Variants in CAMKK1 observed in about 807,000 individuals in gnomAD.
The protein encoded by CAMKK1 is calcium/calmodulin dependent protein kinase kinase 1.
Under a neutral mutation model 63.5 loss-of-function variants are expected in CAMKK1, and 20 were observed. That is an observed-to-expected ratio of 0.32 (90% CI 0.22 to 0.46). The LOEUF is 0.46. Ranked by LOEUF, CAMKK1 falls within the 20% of genes least tolerant of loss-of-function variation. The pLI, the probability that CAMKK1 is intolerant of heterozygous loss-of-function variation, is 1.00. For synonymous variants in CAMKK1, 253 were observed against 269.0 expected, an observed-to-expected ratio of 0.94 and a Z score of 0.58; for missense variants, 588 against 658.1, an observed-to-expected ratio of 0.89 and a Z score of 1.17.
At chr17:3,869,431 G>A (rs1484611892) in intron 14 of CAMKK1, 56 bp downstream of exon 14, 2 of 1,608,076 alleles carry the variant, frequency 1.2e-6, no homozygotes, top group African/African-American at 1.3e-5. Context: ...CACAGAGCAA[G>A]GCTCAGGTCC....
chr17:3,866,258 G>A (rs2054519188), intron 14 of CAMKK1, among the ~76,000 whole-genome samples: 3 of 152,204 alleles, frequency 2.0e-5, no homozygotes, highest in Admixed American at 6.5e-5. Flanking sequence ...TGAAGGGTCC[G>A]CAAGGCCAGG....
chr17:3,866,591 C>T (rs772826103), intron 14 of CAMKK1, among the ~76,000 whole-genome samples: 1 of 152,272 alleles, frequency 6.6e-6, no homozygotes, highest in Non-Finnish European at 1.5e-5. Context: ...GCACACTTGC[C>T]AGTCCCTTCA....
At position 3,890,768 on chromosome 17, in the gene CAMKK1, C is replaced by T. The variant is rs2055871292; in HGVS notation, c.-44+2171G>A. ...TGCCAGGCCTCAGTACAAGCTGTGC[C>T]TTCTGCCAGGAACACACCTCCCTCT... On this transcript the variant is annotated intron_variant, in intron 1 of 15. Transcript: ENST00000348335. This position sits in a 1 kb window ranked among gnomAD's most constrained non-coding sequence, Gnocchi z 6.5. The T allele has an allele frequency of 1.3e-6, 1 of 779,718 alleles. No individual in the cohort carries two copies. Among genetic ancestry groups the T allele is most frequent in the Admixed American group, 1.7e-5 (1 of 59,020 alleles). 48.3% of individuals were successfully genotyped at this position (779,718 alleles called of 1,614,324 possible).
At position 3,874,990 on chromosome 17, in the gene CAMKK1, T is replaced by TG. The variant is rs1206272718; in HGVS notation, c.996+1232dup. On this transcript the variant is annotated intron_variant, in intron 10 of 15. Coordinates refer to ENST00000348335, the MANE Select transcript of CAMKK1 (RefSeq NM_032294.3). The stretch of plus-strand genomic sequence containing the variant: ...ACAAAAAATTAGCCGGGCGTGGTGG[T>TG]GGGCGCCTGTAGTCCCAGCTACTCG... Among the ~76,000 whole-genome samples the TG allele has an allele frequency of 2.6e-5, 4 of 151,772 alleles. No individual in the cohort carries two copies. In the East Asian group the frequency reaches 7.9e-4, roughly 30 times the overall value.
At chr17:3,878,404 G>A (rs1375868625) in intron 9 of CAMKK1, among the ~76,000 whole-genome samples, 1 of 152,186 alleles carries the variant, frequency 6.6e-6, no homozygotes, top group African/African-American at 2.4e-5. Flanking sequence ...AGATAAACTC[G>A]TTTCTTTGTG....
rs769621177 is a variant in CAMKK1, at chr17:3,883,492, G to C, written c.463-12C>G. On this transcript the variant is annotated splice_polypyrimidine_tract_variant and intron_variant, in intron 4 of 15. Coordinates refer to ENST00000348335, the MANE Select transcript of CAMKK1 (RefSeq NM_032294.3). The surrounding 1 kb of genome is among the most constrained non-coding windows in gnomAD (Gnocchi z 4.7). ...AGGACTTTCATTGCCTAAGGAAGGAGGGACAGAAATGTCACTACTGTGCAG... is the reference window on the plus strand; with the variant it reads ...AGGACTTTCATTGCCTAAGGAAGGACGGACAGAAATGTCACTACTGTGCAG... 3 of 1,611,632 alleles carry C rather than the reference G, an allele frequency of 1.9e-6. No individual in the cohort carries two copies. Among genetic ancestry groups the C allele is most frequent in the Admixed American group, 3.3e-5 (2 of 59,996 alleles).
At chr17:3,871,154 A>G (rs912130830) in intron 12 of CAMKK1, among the ~76,000 whole-genome samples, 3 of 152,010 alleles carry the variant, frequency 2.0e-5, no homozygotes, top group Non-Finnish European at 2.9e-5. Flanking sequence ...TGGCTAGATA[A>G]GTCTGGGGAG....
At position 3,882,592 on chromosome 17, in the gene CAMKK1, G is replaced by T; in HGVS notation, c.649-28C>A. 6.3e-7 allele frequency: 1 copy of T among 1,584,026 alleles called. No individual in the cohort carries two copies. The highest frequency in any genetic ancestry group is 2.3e-5 in the East Asian group (1 of 43,574). On this transcript the variant is annotated intron_variant, in intron 6 of 15. Coordinates refer to ENST00000348335, the MANE Select transcript of CAMKK1 (RefSeq NM_032294.3). This position sits in a 1 kb window ranked among gnomAD's most constrained non-coding sequence, Gnocchi z 4.3. ...GGTCAGAGGGAGCAGACATGGGGGT[G>T]GGGCTTGAGGAGGCGTGGGGTTGGA...
chr17:3,888,873 G>A (rs1374972258), intron 1 of CAMKK1, among the ~76,000 whole-genome samples: 1 of 152,164 alleles, frequency 6.6e-6, no homozygotes, highest in African/African-American at 2.4e-5. Flanking sequence ...GTCCCCACAG[G>A]AGGGAATATG....
In CAMKK1 at chr17:3,882,496, G is replaced by A. The variant is rs759008086; in HGVS notation, c.685+32C>T. ...GGGAGCCCTTGGGCCAGCCCTGAGT[G>A]AGCTGCTGTGGGAATGAGCCAGGTC... On this transcript the variant is annotated intron_variant, in intron 7 of 15. Coordinates refer to ENST00000348335, the MANE Select transcript of CAMKK1 (RefSeq NM_032294.3). The surrounding 1 kb of genome is among the most constrained non-coding windows in gnomAD (Gnocchi z 4.3). 1.9e-6 allele frequency: 3 copies of A among 1,598,868 alleles called. No individual in the cohort carries two copies. The highest frequency in any genetic ancestry group is 8.5e-7 in the Non-Finnish European group (1 of 1,171,906).
In CAMKK1 at chr17:3,869,596, T is replaced by C. The variant is rs750590503; in HGVS notation, c.1232A>G (p.Lys411Arg). 6.2e-7 allele frequency: 1 copy of C among 1,614,210 alleles called. No homozygotes were observed. Among genetic ancestry groups the C allele is most frequent in the Non-Finnish European group, 8.5e-7 (1 of 1,180,024 alleles). Residue 411 changes from lysine (K) to arginine (R), a missense_variant, in exon 14 of 16, where the codon AAG becomes AGG. By Grantham distance (26) the Lys-to-Arg change is conservative. This residue lies in a region of CAMKK1 where 226 missense variants were observed against 229.2 expected (regional missense o/e 0.99). Coordinates refer to ENST00000348335, the MANE Select transcript of CAMKK1 (RefSeq NM_032294.3). Reference sequence around the variant, plus strand: ...CGAAGGAAGGGGCTCCTCCCCGTTCTTGGTCACCCAAGGGTGCAACTGTCG... The same window carrying C: ...CGAAGGAAGGGGCTCCTCCCCGTTCCTGGTCACCCAAGGGTGCAACTGTCG... ...PDIKLHPWVT[K>R]NGEEPLPSEE...
At chr17:3,865,613 G>A in intron 15 of CAMKK1, 2 of 1,240,526 alleles carry the variant, frequency 1.6e-6, no homozygotes, top group Non-Finnish European at 2.0e-6. Flanking sequence ...ACATCAAGCT[G>A]CATGGAAGAA....
rs370399004 is a variant in CAMKK1 at position 3,869,024 on chromosome 17, A to T, written c.1341+463T>A. ...CGCTCTGTGGCCCAGGCTGGAGTGC[A>T]GTGGCGCGATCTCGGCTCACGGCAA... On this transcript the variant is annotated intron_variant, in intron 14 of 15. Transcript: ENST00000348335. Among the ~76,000 whole-genome samples the T allele has an allele frequency of 9.1e-4, 133 of 145,682 alleles. 2 individuals carry two copies. In the South Asian group the frequency reaches 0.029, roughly 31 times the overall value.
At chr17:3,877,628 C>A (rs1168060813) in intron 9 of CAMKK1, among the ~76,000 whole-genome samples, 1 of 152,096 alleles carries the variant, frequency 6.6e-6, no homozygotes, top group Non-Finnish European at 1.5e-5. Flanking sequence ...AGGGAGGCTG[C>A]GGGCAGAGAA....
Position 3,885,391 on chromosome 17 carries a change from G to A in CAMKK1, c.297C>T (p.Ile99=), listed in dbSNP as rs768319996. 6 of 1,611,142 alleles carry A rather than the reference G, an allele frequency of 3.7e-6. No homozygotes were observed. The highest frequency in any genetic ancestry group is 4.2e-6 in the Non-Finnish European group (5 of 1,179,032). ...GPYATGPASH[I]SPRAWRRPTI... is the part of the protein sequence containing the mutation. ...TGGGCCTCCGCCAGGCCCGGGGGGAGATGTGGCTGGCAGGCCCCGTGGCAT... is the reference window on the plus strand; with the variant it reads ...TGGGCCTCCGCCAGGCCCGGGGGGAAATGTGGCTGGCAGGCCCCGTGGCAT... Residue 99 remains isoleucine (I), a synonymous_variant, in exon 2 of 16, where the codon ATC becomes ATT. Transcript: ENST00000348335.
In CAMKK1 at chr17:3,884,098, A is replaced by T. The variant is rs1449173056; in HGVS notation, c.409-161T>A. Among the ~76,000 whole-genome samples, 1 of 151,106 alleles carries T rather than the reference A, an allele frequency of 6.6e-6. No homozygotes were observed. The highest frequency in any genetic ancestry group is 1.5e-5 in the Non-Finnish European group (1 of 67,752). ...AAATATTGTAGCAGATGGGGAGGGGACTCCTGCGCCCTGGTAACTGCCCCT... is the reference window on the plus strand; with the variant it reads ...AAATATTGTAGCAGATGGGGAGGGGTCTCCTGCGCCCTGGTAACTGCCCCT... On this transcript the variant is annotated intron_variant, in intron 3 of 15. Coordinates refer to ENST00000348335, the MANE Select transcript of CAMKK1 (RefSeq NM_032294.3). This position sits in a 1 kb window ranked among gnomAD's most constrained non-coding sequence, Gnocchi z 4.5.
chr17:3,874,896 C>G (rs112257694), intron 10 of CAMKK1, among the ~76,000 whole-genome samples: 1 of 150,512 alleles, frequency 6.6e-6, no homozygotes, highest in Non-Finnish European at 1.5e-5. Flanking sequence ...CCGAGGCGGG[C>G]GGATCACGAG....
Position 3,869,488 on chromosome 17 carries a change from A to G in CAMKK1, c.1340T>C (p.Val447Ala), listed in dbSNP as rs1201424719. ...GAGCATCTACCCCGGCTCTCTTACCACCGTGGTCCAGCTGGGGATGAGCCT... is the reference window on the plus strand; with the variant it reads ...GAGCATCTACCCCGGCTCTCTTACCGCCGTGGTCCAGCTGGGGATGAGCCT... ...SVRLIPSWTT[V>A]ILVKSMLRKR... is the part of the protein sequence containing the mutation. The change falls in exon 14 of 16, where the codon GTG becomes GCG. Residue 447 changes from valine to alanine, a missense_variant and splice_region_variant. Val to Ala is a moderately conservative substitution (Grantham distance 64). Coordinates refer to ENST00000348335, the MANE Select transcript of CAMKK1 (RefSeq NM_032294.3). 2 of 1,614,064 alleles carry G rather than the reference A, an allele frequency of 1.2e-6. No homozygotes were observed. The highest frequency in any genetic ancestry group is 1.7e-6 in the Non-Finnish European group (2 of 1,179,994).
chr17:3,876,477 C>T (rs1190267530), intron 9 of CAMKK1, 55 bp from the exon 10 acceptor site: 5 of 1,493,224 alleles, frequency 3.3e-6, no homozygotes, highest in Non-Finnish European at 3.7e-6. Flanking sequence ...CTGGCCAGGA[C>T]CCCACACCCG....
Sources: gnomAD v4.1 joint callset for allele counts (sites outside exome capture counted in the v4.1 genomes callset) on GRCh38, gnomAD v4.1.1 for gene constraint, gnomAD v4.1.1 regional missense constraint, Gnocchi (gnomAD v3.1) non-coding constraint, MANE v1.5 for transcripts, NCBI Gene and HGNC (gene_info 2026-07-23, HGNC 2026-07-21) for gene names.